BICRA: variants seen among roughly 807,000 people sequenced by gnomAD.
BICRA encodes the protein BRD4 interacting chromatin remodeling complex associated protein, also known as BRD4-interacting chromatin-remodeling complex-associated protein.
BICRA carries 31 observed loss-of-function variants against 96.9 expected under a neutral mutation model. The observed-to-expected ratio is 0.32, with a 90% CI of 0.24 to 0.43. BICRA has a LOEUF of 0.43. BICRA is among the 20% of genes least tolerant of loss of function. The probability of loss-of-function intolerance (pLI) is 1.00; values close to 1 mark genes in which losing one functional copy is unlikely to be tolerated. For missense variants in BICRA, 2,283 were observed against 2,190.3 expected, an observed-to-expected ratio of 1.04 and a Z score of -0.84; for synonymous variants, 1,350 against 1,071.8, an observed-to-expected ratio of 1.26 and a Z score of -5.07.
At position 47,701,723 on chromosome 19, in the gene BICRA, C is replaced by T; in HGVS notation, c.3991C>T (p.His1331Tyr). The T allele has an allele frequency of 6.3e-7, 1 of 1,581,490 alleles. No individual in the cohort carries two copies. Among genetic ancestry groups the T allele is most frequent in the Non-Finnish European group, 8.6e-7 (1 of 1,164,258 alleles). The change falls in exon 15 of 15, where the codon CAC becomes TAC. Residue 1331 changes from histidine (H) to tyrosine (Y), a missense_variant. Coordinates refer to ENST00000594866, the MANE Select transcript of BICRA (RefSeq NM_001394372.1). This position sits in a 1 kb window ranked among gnomAD's most constrained non-coding sequence, Gnocchi z 5.4. ...VVHNTALDPVHQPPPPPATLK... is the reference protein window; with the variant it reads ...VVHNTALDPVYQPPPPPATLK... The stretch of plus-strand genomic sequence containing the variant: ...GCACAACACGGCCCTGGACCCCGTG[C>T]ACCAGCCCCCGCCACCCCCCGCTAC...
intron 1 of BICRA, among the ~76,000 whole-genome samples, chr19:47,610,802 T>C (rs2913997): frequency 0.86 from 130,739 of 151,592 alleles, 56,543 homozygotes; most frequent in Middle Eastern, 0.89. Flanking sequence ...GTGTGGGGGG[T>C]ATTGTCAACT....
chr19:47,693,121 G>A (rs1264903367), intron 7 of BICRA, among the ~76,000 whole-genome samples: 3 of 152,258 alleles, frequency 2.0e-5, no homozygotes, highest in African/African-American at 7.2e-5. Context: ...GCTGTTACTA[G>A]GATGCAGATT....
chr19:47,658,808 A>G (rs905313814), intron 1 of BICRA, among the ~76,000 whole-genome samples: 1 of 152,136 alleles, frequency 6.6e-6, no homozygotes, highest in Non-Finnish European at 1.5e-5. Flanking sequence ...CCAGTGGTCT[A>G]CAAACCCGTG....
chr19:47,615,610 G>A (rs948237883), intron 1 of BICRA: 2 of 148,118 alleles, frequency 1.4e-5, no homozygotes, highest in Admixed American at 6.8e-5. Context: ...GTACCTACTT[G>A]GTAAGGCTCT....
intron 1 of BICRA, among the ~76,000 whole-genome samples, chr19:47,651,051 G>A (rs1048936778): frequency 2.6e-5 from 4 of 152,000 alleles, no homozygotes; most frequent in African/African-American, 4.8e-5. Flanking sequence ...ATTTGACTGC[G>A]CCTTGTCCCC....
chr19:47,608,869 G>C (rs1357269320), upstream of BICRA, among the ~76,000 whole-genome samples: 1 of 115,736 alleles, frequency 8.6e-6, no homozygotes, highest in Non-Finnish European at 2.1e-5. Flanking sequence ...AAGGGGGTGG[G>C]GGGCGGAACA....
chr19:47,676,177 C>G (rs1972937786), intron 5 of BICRA, among the ~76,000 whole-genome samples: 1 of 152,030 alleles, frequency 6.6e-6, no homozygotes, highest in South Asian at 2.1e-4. Context: ...GTCCCCGAGG[C>G]CTTGGGGCCC....
intron 10 of BICRA, 132 bp downstream of exon 10, chr19:47,695,606 C>T: frequency 1.6e-6 from 1 of 617,468 alleles, no homozygotes; most frequent in East Asian, 2.8e-5. Context: ...GCAGCTGAGA[C>T]ACCACGAACA....
chr19:47,659,431 T>C (rs973961483), intron 1 of BICRA, among the ~76,000 whole-genome samples: 56 of 152,286 alleles, frequency 3.7e-4, no homozygotes, highest in African/African-American at 1.3e-3. Context: ...AGCGGCTACA[T>C]ATCCAGGGCC....
In BICRA at chr19:47,701,317, C is replaced by T. The variant is rs951311608; in HGVS notation, c.3596-11C>T. On this transcript the variant is annotated splice_polypyrimidine_tract_variant and intron_variant, in intron 14 of 14. Coordinates refer to ENST00000594866, the MANE Select transcript of BICRA (RefSeq NM_001394372.1). The surrounding 1 kb of genome is among the most constrained non-coding windows in gnomAD (Gnocchi z 5.4). ...CTAACCCCGCGGGTTTTCTTTGCCC[C>T]GATTCTGCAGACGAGTACGTGTCTT... is the stretch of plus-strand genomic sequence containing the variant. 2 of 1,605,198 alleles carry T rather than the reference C, an allele frequency of 1.2e-6. No individual in the cohort carries two copies. Among genetic ancestry groups the T allele is most frequent in the Admixed American group, 1.7e-5 (1 of 59,850 alleles).
At position 47,702,333 on chromosome 19, in the gene BICRA, C is replaced by A; in HGVS notation, c.4601C>A (p.Ser1534Tyr). Residue 1534 changes from serine to tyrosine, a missense_variant, in exon 15 of 15, where the codon TCC (serine) becomes TAC (tyrosine). Coordinates refer to ENST00000594866, the MANE Select transcript of BICRA (RefSeq NM_001394372.1). ...PHAASAGTPA[S>Y]PPPLHRPEAY... Reference sequence around the variant, plus strand: ...GCTGCCTCGGCCGGCACCCCCGCATCCCCGCCGCCCCTGCACAGGCCCGAG... The same window carrying A: ...GCTGCCTCGGCCGGCACCCCCGCATACCCGCCGCCCCTGCACAGGCCCGAG... The A allele has an allele frequency of 1.3e-6, 2 of 1,546,246 alleles. No homozygotes were observed. The highest frequency in any genetic ancestry group is 2.8e-5 in the African/African-American group (2 of 71,794).
chr19:47,698,589 C>A lies in BICRA; in HGVS notation c.3249-45C>A. The stretch of plus-strand genomic sequence containing the variant: ...GACTTCCCCTGGCCCTCACCCGTCC[C>A]CCCCACCCTCCGCCGTGTGTGGTCT... On this transcript the variant is annotated intron_variant, in intron 11 of 14. Transcript: ENST00000594866. The surrounding 1 kb of genome is among the most constrained non-coding windows in gnomAD (Gnocchi z 4.8). 1.2e-6 allele frequency: 1 copy of A among 851,030 alleles called. No homozygotes were observed. The highest frequency in any genetic ancestry group is 2.0e-6 in the Non-Finnish European group (1 of 498,648). 52.7% of individuals were successfully genotyped at this position (851,030 alleles called of 1,614,324 possible).
upstream of BICRA, chr19:47,609,093 C>T (rs1971853714): frequency 6.7e-6 from 1 of 148,426 alleles, no homozygotes; most frequent in South Asian, 2.1e-4. Context: ...CCGGCCGGCC[C>T]CTTCTGGGTC....
Position 47,632,399 on chromosome 19 carries a change from C to T in BICRA, c.-108+23231C>T, listed in dbSNP as rs564956451. 6.4e-4 allele frequency among the ~76,000 whole-genome samples: 98 copies of T among 152,270 alleles called. 1 individual carries two copies. The highest frequency in any genetic ancestry group is 2.2e-3 in the African/African-American group (91 of 41,556). ...GCTGGCTGCTTCCTAATTCTCAGTC[C>T]TCGAGTCCTACCTCCGATCTCAAGA... On this transcript the variant is annotated intron_variant, in intron 1 of 14. Transcript: ENST00000594866.
intron 11 of BICRA, among the ~76,000 whole-genome samples, 158 bp downstream of exon 11, chr19:47,696,670 C>G (rs973977839): frequency 6.6e-6 from 1 of 152,224 alleles, no homozygotes; most frequent in Non-Finnish European, 1.5e-5. Context: ...CCCTCAGTTT[C>G]CCCCTCTGGA....
intron 1 of BICRA, among the ~76,000 whole-genome samples, chr19:47,618,464 C>T (rs899068876): frequency 2.6e-5 from 4 of 152,086 alleles, no homozygotes; most frequent in Non-Finnish European, 5.9e-5. Flanking sequence ...TCAGAGTAAA[C>T]GGTCACTATT....
chr19:47,702,572 G>A lies in BICRA; in HGVS notation c.*157G>A, dbSNP rs547487441. On this transcript the variant is annotated 3_prime_UTR_variant, in exon 15 of 15. Transcript: ENST00000594866. Reference sequence around the variant, plus strand: ...ACAAAGGCCTCCTTCCCTGCCGCCTGCTTCAGCTGGGTTGCTGGGGGGTGG... The same window carrying A: ...ACAAAGGCCTCCTTCCCTGCCGCCTACTTCAGCTGGGTTGCTGGGGGGTGG... 1.9e-5 allele frequency: 16 copies of A among 858,668 alleles called. No homozygotes were observed. Among genetic ancestry groups the A allele is most frequent in the Admixed American group, 1.6e-4 (4 of 24,872 alleles). The allele number at this position is 858,668 out of a possible 1,614,324, so 53.2% of individuals were successfully genotyped here. A position where few individuals can be genotyped will look rare whatever the true frequency, so the allele number is the denominator to read the frequency against.
At chr19:47,609,890 G>GC (rs1226124621) in intron 1 of BICRA, among the ~76,000 whole-genome samples, 2 of 152,106 alleles carry the variant, frequency 1.3e-5, no homozygotes, top group East Asian at 3.9e-4. Context: ...TTGACCCCCA[G>GC]CCCCCGGCAA....
intron 1 of BICRA, among the ~76,000 whole-genome samples, chr19:47,652,508 A>G (rs910014811): frequency 6.6e-6 from 1 of 152,156 alleles, no homozygotes; most frequent in East Asian, 1.9e-4. Context: ...CTGTATAGAC[A>G]TCAGCAGTCA....
Sources: gnomAD v4.1 joint callset for allele counts (sites outside exome capture counted in the v4.1 genomes callset) on GRCh38, gnomAD v4.1.1 for gene constraint, Gnocchi (gnomAD v3.1) non-coding constraint, MANE v1.5 for transcripts, NCBI Gene and HGNC (gene_info 2026-07-23, HGNC 2026-07-21) for gene names.